ERI1: variants seen among roughly 807,000 people sequenced by gnomAD.
The protein encoded by ERI1 is exoribonuclease 1.
A neutral mutation model predicts 39.7 loss-of-function variants in ERI1; 39 were observed. The observed-to-expected ratio is 0.98, with a 90% confidence interval of 0.76 to 1.28. The LOEUF is 1.28. Ranked by LOEUF, ERI1 falls within the 50% of genes most tolerant of loss-of-function variation. The pLI is 0.00. For synonymous variants in ERI1, 204 were observed against 149.6 expected (o/e 1.36, Z -2.65); for missense variants, 581 against 416.9 (o/e 1.39, Z -3.43).
At chr8:9,086,983 G>A (rs770742828) in intron 3 of ERI1, among the ~76,000 whole-genome samples, 1 of 151,958 alleles carries the variant, frequency 6.6e-6, no homozygotes, top group Non-Finnish European at 1.5e-5. Context: ...TGGGCGGTAG[G>A]ATTCTGAGTA....
At chr8:9,008,422 A>C (rs181843334) in intron 2 of ERI1, among the ~76,000 whole-genome samples, 136 of 152,234 alleles carry the variant, frequency 8.9e-4, no homozygotes, top group African/African-American at 3.1e-3. Context: ...GAGTGTTTTA[A>C]ATTTTTTTAG....
intron 3 of ERI1, among the ~76,000 whole-genome samples, chr8:9,062,339 G>C (rs1031809779): frequency 1.5e-4 from 23 of 151,956 alleles, no homozygotes; most frequent in Non-Finnish European, 2.8e-4. Context: ...CTGGGGAAAA[G>C]GGCAGCAATG....
chr8:9,028,346 G>A (rs557008373), intron 6 of ERI1, among the ~76,000 whole-genome samples: 1 of 152,242 alleles, frequency 6.6e-6, no homozygotes, highest in East Asian at 1.9e-4. Flanking sequence ...AAGTTATCCA[G>A]TGTGTTGGGC....
intron 3 of ERI1, among the ~76,000 whole-genome samples, chr8:9,012,878 C>T (rs947527270): frequency 6.6e-6 from 1 of 151,994 alleles, no homozygotes; most frequent in African/African-American, 2.4e-5. Context: ...TTATCTCTTT[C>T]CTTTTCTTCC....
In ERI1 at chr8:9,030,416, G is replaced by T; in HGVS notation, c.*382G>T. On this transcript the variant is annotated 3_prime_UTR_variant, in exon 7 of 7. Coordinates refer to ENST00000250263, the MANE Select transcript of ERI1 (RefSeq NM_153332.4). ...TGTTTCTTTATTAACATCACTAGAT[G>T]AAACCATATCTTAAAATGCAGAAAT... is the stretch of plus-strand genomic sequence containing the variant. The T allele has an allele frequency of 5.4e-6, 1 of 183,684 alleles. No homozygotes were observed. Among genetic ancestry groups the T allele is most frequent in the East Asian group, 1.2e-4 (1 of 8,120 alleles). 11.4% of individuals were successfully genotyped at this position (183,684 alleles called of 1,614,324 possible). A position where few individuals can be genotyped will look rare whatever the true frequency, so the allele number is the denominator to read the frequency against.
intron 1 of ERI1, among the ~76,000 whole-genome samples, chr8:9,007,739 T>A (rs1391099949): frequency 1.3e-5 from 2 of 152,180 alleles, no homozygotes; most frequent in Non-Finnish European, 2.9e-5. Context: ...CTTAGCTTTG[T>A]TTCCTTTGAG....
intron 3 of ERI1, among the ~76,000 whole-genome samples, chr8:9,040,783 C>G (rs1459868931): frequency 6.6e-6 from 1 of 151,794 alleles, no homozygotes; most frequent in East Asian, 1.9e-4. Context: ...TTAGGACTTC[C>G]TTAGCGCTGA....
At position 9,033,124 on chromosome 8, in the gene ERI1, C is replaced by T. The variant is rs969997124; in HGVS notation, c.*3090C>T. 5 of 152,184 alleles carry T rather than the reference C, an allele frequency of 3.3e-5. No homozygotes were observed. Among genetic ancestry groups the T allele is most frequent in the African/African-American group, 7.2e-5 (3 of 41,440 alleles). 9.4% of individuals were successfully genotyped at this position (152,184 alleles called of 1,614,324 possible). A position where few individuals can be genotyped will look rare whatever the true frequency, so the allele number is the denominator to read the frequency against. ...ACCACCAACCTGTATATCAAGCCTC[C>T]TTGCCCCACAAAGCTTCCAAAGCCC... On this transcript the variant is annotated 3_prime_UTR_variant, in exon 7 of 7. Transcript: ENST00000250263.
At chr8:9,006,095 T>C (rs1330853779) in intron 1 of ERI1, among the ~76,000 whole-genome samples, 1 of 152,244 alleles carries the variant, frequency 6.6e-6, no homozygotes, top group Non-Finnish European at 1.5e-5. Context: ...ATGTATTTCG[T>C]AAACTAATTT....
chr8:9,037,230 A>G (rs1407194912), downstream of ERI1, among the ~76,000 whole-genome samples: 1 of 152,106 alleles, frequency 6.6e-6, no homozygotes, highest in African/African-American at 2.4e-5. Flanking sequence ...TTTTACAGTA[A>G]CCATCTGCTC....
intron 3 of ERI1, among the ~76,000 whole-genome samples, chr8:9,061,877 G>A (rs1798708862): frequency 1.3e-5 from 2 of 151,808 alleles, no homozygotes; most frequent in South Asian, 4.2e-4. Context: ...GGAAAGCGAA[G>A]AGAGGCTGGG....
At chr8:9,008,260 C>G (rs1215893665) in intron 2 of ERI1, 112 bp downstream of exon 2, 5 of 949,406 alleles carry the variant, frequency 5.3e-6, no homozygotes, top group Non-Finnish European at 7.5e-6. Context: ...ATGACATGAT[C>G]CTATTAACAG....
At chr8:9,043,677 G>A (rs1295929844) in intron 3 of ERI1, among the ~76,000 whole-genome samples, 2 of 152,180 alleles carry the variant, frequency 1.3e-5, no homozygotes, top group Non-Finnish European at 1.5e-5. Flanking sequence ...TCAGTCCAGT[G>A]ACACACTATC....
intron 5 of ERI1, 31 bp from the exon 6 acceptor site, chr8:9,020,319 C>A: frequency 8.0e-7 from 1 of 1,244,160 alleles, no homozygotes; most frequent in Non-Finnish European, 1.1e-6. Context: ...GCGTTTATTT[C>A]ATCAATTTTT....
At chr8:9,038,761 GT>G (rs1387431026) in intron 3 of ERI1, among the ~76,000 whole-genome samples, 1 of 152,134 alleles carries the variant, frequency 6.6e-6, no homozygotes, top group Non-Finnish European at 1.5e-5. Context: ...TATTTACTCA[GT>G]CATTTGCATA....
chr8:9,072,086 A>G (rs11249900), intron 3 of ERI1, among the ~76,000 whole-genome samples: 14,421 of 152,130 alleles, frequency 0.095, 1,236 homozygotes, highest in East Asian at 0.24. Flanking sequence ...ACACGCAAAA[A>G]TGACAGAGAG....
intron 3 of ERI1, among the ~76,000 whole-genome samples, chr8:9,060,799 C>T (rs772374277): frequency 9.9e-5 from 15 of 152,216 alleles, no homozygotes; most frequent in Non-Finnish European, 1.5e-4. Flanking sequence ...ACCTTATCAG[C>T]ATAAGCATTG....
rs568149572 is a variant in ERI1 at position 9,022,696 on chromosome 8, G to C, written c.807+2232G>C. Among the ~76,000 whole-genome samples, 14 of 152,190 alleles carry C rather than the reference G, an allele frequency of 9.2e-5. No homozygotes were observed. The South Asian group carries it at 2.9e-3, about 32-fold the overall frequency. On this transcript the variant is annotated intron_variant, in intron 6 of 6. Coordinates refer to ENST00000250263, the MANE Select transcript of ERI1 (RefSeq NM_153332.4). Reference sequence around the variant, plus strand: ...ATTATAGGCGTGAGCCACTGCACCTGGCCTTTTGTGGATCTTTTTTTGTGT... The same window carrying C: ...ATTATAGGCGTGAGCCACTGCACCTCGCCTTTTGTGGATCTTTTTTTGTGT...
chr8:9,027,240 A>C (rs1797239318), intron 6 of ERI1, among the ~76,000 whole-genome samples: 1 of 151,120 alleles, frequency 6.6e-6, no homozygotes, highest in Non-Finnish European at 1.5e-5. Context: ...GTATTTCCCT[A>C]ATGATTAGTG....
Sources: gnomAD v4.1 joint callset for allele counts (sites outside exome capture counted in the v4.1 genomes callset) on GRCh38, gnomAD v4.1.1 for gene constraint, MANE v1.5 for transcripts, NCBI Gene and HGNC (gene_info 2026-07-23, HGNC 2026-07-21) for gene names.